The following METTL4 variants were observed in gnomAD, a reference collection of about 807,000 sequenced individuals.
The protein encoded by METTL4 is methyltransferase 4, N6-adenosine, also known as N(6)-adenine-specific methyltransferase METTL4.
In METTL4, 40 loss-of-function variants were observed where a neutral mutation model predicts 54.0. The ratio of observed to expected loss-of-function variants is 0.74; its 90% CI spans 0.58 to 0.96. The LOEUF is 0.96. METTL4 is among the 50% of genes least tolerant of loss of function. The pLI, the probability that METTL4 is intolerant of heterozygous loss-of-function variation, is 0.00. For synonymous variants in METTL4, 169 were observed against 183.8 expected (o/e 0.92, Z 0.65); for missense variants, 525 against 549.0 (o/e 0.96, Z 0.44).
At chr18:2,551,112 C>G (rs560419137) in intron 5 of METTL4, among the ~76,000 whole-genome samples, 1 of 137,528 alleles carries the variant, frequency 7.3e-6, no homozygotes, top group African/African-American at 2.8e-5. Flanking sequence ...TGCAGTGAGC[C>G]GAGATCGCGC....
Position 2,547,401 on chromosome 18 carries a change from T to C in METTL4, c.1028A>G (p.Tyr343Cys), listed in dbSNP as rs1217619230. 1.2e-6 allele frequency: 2 copies of C among 1,610,628 alleles called. No individual in the cohort carries two copies. Among genetic ancestry groups the C allele is most frequent in the Non-Finnish European group, 1.7e-6 (2 of 1,178,528 alleles). ...KHLRFIKEEL[Y>C]PSWSVEVVAE... ...AACTACCTCCACAGACCAAGAGGGATAAAGTTCTTCCTTTATAAAACGTAG... is the reference window on the plus strand; with the variant it reads ...AACTACCTCCACAGACCAAGAGGGACAAAGTTCTTCCTTTATAAAACGTAG... Residue 343 changes from tyrosine (Y) to cysteine (C), a missense_variant, in exon 6 of 9, where the codon TAT (tyrosine) becomes TGT (cysteine). Physicochemically the swap from Tyr to Cys is radical, Grantham distance 194 (BLOSUM62 -2). Transcript: ENST00000574538.
chr18:2,564,991 T>C, intron 2 of METTL4, among the ~76,000 whole-genome samples: 1 of 152,082 alleles, frequency 6.6e-6, no homozygotes, highest in East Asian at 1.9e-4. Context: ...AAATATTTGA[T>C]GAAAGGAAAA....
At chr18:2,540,195 G>C (rs2071973956) in intron 8 of METTL4, 1 of 985,278 alleles carries the variant, frequency 1.0e-6, no homozygotes, top group African/African-American at 1.7e-5. Flanking sequence ...TTTTTGAAAA[G>C]CACATGTTCA....
At chr18:2,540,149 G>A (rs1028530629) in intron 8 of METTL4, 4 of 985,008 alleles carry the variant, frequency 4.1e-6, no homozygotes, top group Middle Eastern at 5.2e-4. Context: ...CTAAAGAGCT[G>A]TTGTCTACAC....
chr18:2,543,523 TATC>T (rs2072025779), intron 8 of METTL4, among the ~76,000 whole-genome samples: 1 of 152,186 alleles, frequency 6.6e-6, no homozygotes, highest in Non-Finnish European at 1.5e-5. Flanking sequence ...GAGGACTAAA[TATC>T]ATTATTCCCT....
intron 3 of METTL4, 101 bp from the exon 4 acceptor site, chr18:2,555,139 T>G: frequency 8.7e-7 from 1 of 1,154,526 alleles, no homozygotes; most frequent in Non-Finnish European, 1.3e-6. Flanking sequence ...TCAATATCCT[T>G]AACACTTACA....
chr18:2,553,394 T>G (rs2072191210), intron 4 of METTL4: 1 of 152,190 alleles, frequency 6.6e-6, no homozygotes, highest in African/African-American at 2.4e-5. Flanking sequence ...TTACTTATTT[T>G]TTGCAAGAGG....
At chr18:2,556,767 G>GA (rs1567972216) in intron 3 of METTL4, among the ~76,000 whole-genome samples, 1 of 151,710 alleles carries the variant, frequency 6.6e-6, no homozygotes, top group Non-Finnish European at 1.5e-5. Context: ...AATGAAGACA[G>GA]AAAAAGTATT....
At chr18:2,543,069 A>AC (rs1326006354) in intron 8 of METTL4, among the ~76,000 whole-genome samples, 1 of 147,410 alleles carries the variant, frequency 6.8e-6, no homozygotes, top group Non-Finnish European at 1.5e-5. Flanking sequence ...GGATGCAGTG[A>AC]CCCAAGATCA....
intron 5 of METTL4, among the ~76,000 whole-genome samples, chr18:2,550,194 C>T (rs1274265765): frequency 6.6e-6 from 1 of 152,122 alleles, no homozygotes; most frequent in Admixed American, 6.5e-5. Context: ...GTTTCAGTAA[C>T]TGCAGATTCC....
rs1389190656 is a variant in METTL4, at chr18:2,544,296, C to A, written c.1182-10G>T. On this transcript the variant is annotated splice_polypyrimidine_tract_variant and intron_variant, in intron 7 of 8. Coordinates refer to ENST00000574538, the MANE Select transcript of METTL4 (RefSeq NM_022840.5). Reference sequence around the variant, plus strand: ...GTTTACATCTGCATTCCTAATTAAACAGAACAAGAAAGTAAACTATATTTT... The same window carrying A: ...GTTTACATCTGCATTCCTAATTAAAAAGAACAAGAAAGTAAACTATATTTT... The A allele has an allele frequency of 6.3e-7, 1 of 1,595,676 alleles. No individual in the cohort carries two copies. The highest frequency in any genetic ancestry group is 2.2e-5 in the East Asian group (1 of 44,714).
chr18:2,540,815 T>G (rs904495818), intron 8 of METTL4: 2 of 985,326 alleles, frequency 2.0e-6, no homozygotes, highest in African/African-American at 1.7e-5. Flanking sequence ...GTTTTGTTTG[T>G]TTTTGTTTCA....
intron 4 of METTL4, 105 bp from the exon 5 acceptor site, chr18:2,552,869 T>C: frequency 4.3e-6 from 3 of 690,860 alleles, no homozygotes; most frequent in Non-Finnish European, 5.1e-6. Flanking sequence ...GACACGAATA[T>C]AATGGAATGC....
At chr18:2,556,741 G>A (rs1166542585) in intron 3 of METTL4, among the ~76,000 whole-genome samples, 3 of 151,966 alleles carry the variant, frequency 2.0e-5, no homozygotes, top group African/African-American at 4.8e-5. Context: ...ATAAAAAAAG[G>A]ACCAAATGTG....
At chr18:2,546,272 C>G (rs560237633) in intron 6 of METTL4, among the ~76,000 whole-genome samples, 75 of 152,198 alleles carry the variant, frequency 4.9e-4, no homozygotes, top group African/African-American at 1.6e-3. Flanking sequence ...AAGTACAGTA[C>G]AGTAAAATAT....
chr18:2,543,362 C>G (rs553144964), intron 8 of METTL4, among the ~76,000 whole-genome samples: 1 of 152,204 alleles, frequency 6.6e-6, no homozygotes, highest in East Asian at 1.9e-4. Context: ...CTGAAGAAAT[C>G]CTTTGAAAAG....
chr18:2,567,200 T>A lies in METTL4; in HGVS notation c.17A>T (p.Gln6Leu). The A allele has an allele frequency of 6.2e-7, 1 of 1,608,430 alleles. No individual in the cohort carries two copies. The change falls in exon 2 of 9, where the codon CAG becomes CTG. Residue 6 changes from glutamine to leucine, a missense_variant. Transcript: ENST00000574538. MSVVHQLSAGWLLDHL... is the reference protein window; with the variant it reads MSVVHLLSAGWLLDHL... ...ATCCAGTAACCACCCAGCTGACAAC[T>A]GGTGTACCACAGACATTCCCTTCCT...
intron 5 of METTL4, among the ~76,000 whole-genome samples, chr18:2,551,081 G>A (rs1038317396): frequency 5.4e-5 from 8 of 147,500 alleles, no homozygotes; most frequent in Non-Finnish European, 1.2e-4. Flanking sequence ...GGAGAATGGC[G>A]TGAACCCGGG....
At chr18:2,554,517 T>TA in intron 4 of METTL4, 152 bp downstream of exon 4, 1 of 685,640 alleles carries the variant, frequency 1.5e-6, no homozygotes, top group East Asian at 2.7e-5. Flanking sequence ...GTCAGCACCT[T>TA]AAAATTAAAC....
Sources: allele counts gnomAD v4.1 joint callset (sites outside exome capture counted in the v4.1 genomes callset), GRCh38; gene constraint gnomAD v4.1.1; transcripts MANE v1.5; gene names NCBI Gene and HGNC (gene_info 2026-07-23, HGNC 2026-07-21).